The following FRMD4A variants were observed in gnomAD, a reference collection of about 807,000 sequenced individuals.
The protein encoded by FRMD4A is FERM domain-containing protein 4A.
FRMD4A carries 29 observed loss-of-function variants against 129.1 expected under a neutral mutation model. That is an observed-to-expected ratio of 0.22 (90% confidence interval 0.17 to 0.31). FRMD4A has a LOEUF of 0.31. FRMD4A is among the 10% of genes least tolerant of loss of function. The probability of loss-of-function intolerance (pLI) is 1.00; values close to 1 mark genes in which losing one functional copy is unlikely to be tolerated. For synonymous variants in FRMD4A, 634 were observed against 571.6 expected (o/e 1.11, Z -1.56); for missense variants, 1,272 against 1,375.8 (o/e 0.92, Z 1.19).
intron 2 of FRMD4A, among the ~76,000 whole-genome samples, chr10:14,225,253 G>A (rs1039291008): frequency 1.3e-5 from 2 of 152,118 alleles, no homozygotes; most frequent in Non-Finnish European, 2.9e-5. Flanking sequence ...TGAGAAGTAT[G>A]GTGAAACCTC....
At chr10:14,055,853 C>T (rs990045114) in intron 2 of FRMD4A, among the ~76,000 whole-genome samples, 5 of 152,298 alleles carry the variant, frequency 3.3e-5, no homozygotes, top group South Asian at 2.1e-4. Flanking sequence ...ATAGTCTTTT[C>T]GTTATTTTAA....
intron 6 of FRMD4A, among the ~76,000 whole-genome samples, chr10:13,764,569 T>A (rs1450079168): frequency 6.6e-6 from 1 of 152,048 alleles, no homozygotes; most frequent in Non-Finnish European, 1.5e-5. Flanking sequence ...CATGAGGACA[T>A]GACCTACCTT....
rs1337112521 is a variant in FRMD4A at position 13,958,337 on chromosome 10, G to T, written c.46-99425C>A. Among the ~76,000 whole-genome samples the T allele has an allele frequency of 2.1e-5, 3 of 140,008 alleles. No homozygotes were observed. The East Asian group carries it at 6.4e-4, about 30-fold the overall frequency. 91.9% of individuals were successfully genotyped at this position (140,008 alleles called of 152,430 possible). The stretch of plus-strand genomic sequence containing the variant: ...TCTCGCTCGTCGCCCAGGCTGGAGT[G>T]CAGTGGCGCGATCTCGGCTCACTGC... On this transcript the variant is annotated intron_variant, in intron 2 of 24. Coordinates refer to ENST00000357447, the MANE Select transcript of FRMD4A (RefSeq NM_018027.5).
At chr10:13,874,033 G>A (rs2094465356) in intron 2 of FRMD4A, among the ~76,000 whole-genome samples, 1 of 151,006 alleles carries the variant, frequency 6.6e-6, no homozygotes, top group Non-Finnish European at 1.5e-5. Context: ...GATCACCAGA[G>A]GTCAGGAGTT....
At chr10:13,758,705 G>T (rs902283502) in intron 8 of FRMD4A, among the ~76,000 whole-genome samples, 2 of 151,998 alleles carry the variant, frequency 1.3e-5, no homozygotes, top group Non-Finnish European at 2.9e-5. Context: ...CCTTCTTTTC[G>T]CTTAATAATC....
At chr10:14,240,235 C>T (rs1435082793) in intron 2 of FRMD4A, among the ~76,000 whole-genome samples, 4 of 152,150 alleles carry the variant, frequency 2.6e-5, no homozygotes, top group Non-Finnish European at 2.9e-5. Context: ...GTCACACAAC[C>T]GAAACGCCCT....
At chr10:14,047,551 G>T (rs1216689403) in intron 2 of FRMD4A, among the ~76,000 whole-genome samples, 1 of 152,136 alleles carries the variant, frequency 6.6e-6, no homozygotes, top group Non-Finnish European at 1.5e-5. Flanking sequence ...ATCAGCTGAT[G>T]GGGAAGATAA....
intron 5 of FRMD4A, among the ~76,000 whole-genome samples, chr10:13,793,995 C>A (rs896628543): frequency 2.6e-5 from 4 of 151,992 alleles, no homozygotes; most frequent in Non-Finnish European, 5.9e-5. Context: ...GTGGCTGGGA[C>A]CCTGGTGATG....
At chr10:13,708,890 G>C (rs1291757540) in intron 12 of FRMD4A, among the ~76,000 whole-genome samples, 1 of 152,204 alleles carries the variant, frequency 6.6e-6, no homozygotes, top group East Asian at 1.9e-4. Flanking sequence ...TCATAGCCTG[G>C]GGGCAGTACA....
At chr10:13,876,314 T>C (rs1015922893) in intron 2 of FRMD4A, among the ~76,000 whole-genome samples, 3 of 152,244 alleles carry the variant, frequency 2.0e-5, no homozygotes, top group African/African-American at 7.2e-5. Flanking sequence ...TACATGTGGT[T>C]TGGTGAAACA....
At chr10:14,109,832 T>C (rs1384122094) in intron 2 of FRMD4A, among the ~76,000 whole-genome samples, 7 of 150,412 alleles carry the variant, frequency 4.7e-5, no homozygotes, top group Admixed American at 2.0e-4. Flanking sequence ...ATTAGCCGGG[T>C]GTGGTGGCGG....
intron 6 of FRMD4A, among the ~76,000 whole-genome samples, chr10:13,780,876 T>C (rs1191599410): frequency 6.6e-6 from 1 of 152,172 alleles, no homozygotes; most frequent in Non-Finnish European, 1.5e-5. Flanking sequence ...CTCGAGGAGA[T>C]ATTTAGACAT....
At chr10:13,917,926 A>C (rs925204267) in intron 2 of FRMD4A, among the ~76,000 whole-genome samples, 1 of 152,174 alleles carries the variant, frequency 6.6e-6, no homozygotes, top group Non-Finnish European at 1.5e-5. Flanking sequence ...GAGCTGCAGG[A>C]AAGTTCAGAG....
At chr10:13,944,564 C>A (rs1305870196) in intron 2 of FRMD4A, among the ~76,000 whole-genome samples, 2 of 152,132 alleles carry the variant, frequency 1.3e-5, no homozygotes, top group African/African-American at 2.4e-5. Context: ...AAATTGTCTT[C>A]CATGAATCAG....
chr10:13,959,385 T>C lies in FRMD4A; in HGVS notation c.46-100473A>G, dbSNP rs565827795. The stretch of plus-strand genomic sequence containing the variant: ...TACTTGGGAGGCTGAGAGAGAAGAA[T>C]TGTTTGAACCCGGGAGGCAGAGGTT... On this transcript the variant is annotated intron_variant, in intron 2 of 24. Coordinates refer to ENST00000357447, the MANE Select transcript of FRMD4A (RefSeq NM_018027.5). 9.8e-5 allele frequency among the ~76,000 whole-genome samples: 14 copies of C among 143,064 alleles called. No homozygotes were observed. The East Asian group carries it at 2.9e-3, about 30-fold the overall frequency. 93.9% of individuals were successfully genotyped at this position (143,064 alleles called of 152,430 possible).
At position 13,713,954 on chromosome 10, in the gene FRMD4A, C is replaced by T. The variant is rs1484233825; in HGVS notation, c.760-6841G>A. Among the ~76,000 whole-genome samples the T allele has an allele frequency of 5.7e-3, 380 of 67,244 alleles. 88 individuals are homozygous for T. Among genetic ancestry groups the T allele is most frequent in the African/African-American group, 7.9e-3 (156 of 19,654 alleles). The allele number at this position is 67,244 out of a possible 152,430, so 44.1% of individuals were successfully genotyped here. On this transcript the variant is annotated intron_variant, in intron 12 of 24. Transcript: ENST00000357447. ...AATATATACATATATGTAATACACA[C>T]ACATATATAATATATACATATATGT...
intron 2 of FRMD4A, 140 bp from the exon 3 acceptor site, chr10:13,859,052 G>T (rs907937759): frequency 4.4e-6 from 3 of 675,274 alleles, no homozygotes; most frequent in Non-Finnish European, 8.1e-6. Flanking sequence ...AATGCCAGGA[G>T]TTGGAAGGAT....
intron 3 of FRMD4A, among the ~76,000 whole-genome samples, chr10:13,823,732 T>C (rs2093661687): frequency 6.6e-6 from 1 of 152,208 alleles, no homozygotes; most frequent in African/African-American, 2.4e-5. Flanking sequence ...TAAGATCAAA[T>C]GACACATTGG....
chr10:13,673,305 G>A (rs1375774115), intron 16 of FRMD4A, among the ~76,000 whole-genome samples: 4 of 152,162 alleles, frequency 2.6e-5, no homozygotes, highest in South Asian at 2.1e-4. Flanking sequence ...AGCTGGCTCC[G>A]GTTTAAATCA....
Sources: allele counts gnomAD v4.1 joint callset (sites outside exome capture counted in the v4.1 genomes callset), GRCh38; gene constraint gnomAD v4.1.1; transcripts MANE v1.5; gene names NCBI Gene and HGNC (gene_info 2026-07-23, HGNC 2026-07-21).